FSTL4: variants seen among roughly 807,000 people sequenced by gnomAD.
FSTL4 encodes the protein follistatin-related protein 4.
Under a neutral mutation model 78.2 loss-of-function variants are expected in FSTL4, and 28 were observed. The observed-to-expected ratio is 0.36, with a 90% CI of 0.27 to 0.49. FSTL4 has a LOEUF of 0.49. Among genes scored for constraint, FSTL4 ranks in the 20% least tolerant of loss-of-function variants. The pLI is 0.98. For missense variants in FSTL4, 922 were observed against 1,084.9 expected (o/e 0.85, Z 2.11); for synonymous variants, 422 against 440.5 (o/e 0.96, Z 0.53).
At position 133,272,654 on chromosome 5, in the gene FSTL4, G is replaced by C. The variant is rs148148139; in HGVS notation, c.728-23078C>G. 1.3e-5 allele frequency among the ~76,000 whole-genome samples: 2 copies of C among 152,112 alleles called. 1 individual carries two copies. The highest frequency in any genetic ancestry group is 1.3e-4 in the Admixed American group (2 of 15,286). ...TCCAAAAGTAATTTATTCCATATGC[G>C]TCATTAAGTGGATACCCCAGATATG... On this transcript the variant is annotated intron_variant, in intron 6 of 15. Transcript: ENST00000265342.
chr5:133,792,221 C>A, the FSTL4 span, among the ~76,000 whole-genome samples: 1 of 152,154 alleles, frequency 6.6e-6, no homozygotes, highest in Non-Finnish European at 1.5e-5. Context: ...CACAGCCTGC[C>A]CTCAGGCCCC....
chr5:133,295,556 C>T (rs1753374220), intron 6 of FSTL4, among the ~76,000 whole-genome samples: 1 of 152,150 alleles, frequency 6.6e-6, no homozygotes, highest in Non-Finnish European at 1.5e-5. Flanking sequence ...TTAGTTTCTC[C>T]AGTTCCTTTC....
At chr5:133,664,813 G>A in the FSTL4 span, among the ~76,000 whole-genome samples, 2 of 152,164 alleles carry the variant, frequency 1.3e-5, no homozygotes, top group Non-Finnish European at 2.9e-5. Context: ...TACTAGCTTA[G>A]AGCATCATGA....
intron 4 of FSTL4, among the ~76,000 whole-genome samples, chr5:133,358,495 A>C (rs947423389): frequency 6.6e-6 from 1 of 151,560 alleles, no homozygotes; most frequent in Non-Finnish European, 1.5e-5. Context: ...TGGGCTGGCT[A>C]TGCCAAGTGC....
At chr5:133,564,643 C>T (rs1332207866) in intron 3 of FSTL4, among the ~76,000 whole-genome samples, 1 of 152,082 alleles carries the variant, frequency 6.6e-6, no homozygotes, top group Middle Eastern at 3.2e-3. Context: ...GTAAGCTAAA[C>T]ACTTCAAGAA....
intron 5 of FSTL4, among the ~76,000 whole-genome samples, chr5:133,316,001 G>A (rs905800664): frequency 6.6e-6 from 1 of 152,130 alleles, no homozygotes; most frequent in East Asian, 1.9e-4. Flanking sequence ...GGGCTTGGTG[G>A]GGGTTGACGG....
intron 3 of FSTL4, among the ~76,000 whole-genome samples, chr5:133,494,202 CA>C: frequency 6.6e-6 from 1 of 152,098 alleles, no homozygotes; most frequent in East Asian, 1.9e-4. Flanking sequence ...ATGTAAACCA[CA>C]GCAGAAAGAA....
the FSTL4 span, among the ~76,000 whole-genome samples, chr5:133,681,729 G>A: frequency 1.3e-5 from 2 of 152,180 alleles, no homozygotes; most frequent in African/African-American, 4.8e-5. Flanking sequence ...TCCAGCTGGT[G>A]GAAGCTCTGT....
intron 3 of FSTL4, among the ~76,000 whole-genome samples, chr5:133,512,555 C>T (rs1412914459): frequency 4.6e-5 from 7 of 152,156 alleles, no homozygotes; most frequent in Non-Finnish European, 5.9e-5. Context: ...AGTACATGTC[C>T]TTCAATTATA....
chr5:133,636,392 C>T, the FSTL4 span, among the ~76,000 whole-genome samples: 1 of 151,966 alleles, frequency 6.6e-6, no homozygotes, highest in Non-Finnish European at 1.5e-5. Flanking sequence ...CCTGTGGGCT[C>T]TTTGAGGACA....
chr5:133,351,055 A>G lies in FSTL4; in HGVS notation c.410-34403T>C, dbSNP rs565736670. Among the ~76,000 whole-genome samples, 10 of 152,346 alleles carry G rather than the reference A, an allele frequency of 6.6e-5. No individual in the cohort carries two copies. In the East Asian group the frequency reaches 1.7e-3, roughly 26 times the overall value. On this transcript the variant is annotated intron_variant, in intron 4 of 15. Transcript: ENST00000265342. ...GTGGAAGGCAACTAGTAATATCTGC[A>G]TATGTAAATTTTTTTATTTTGGCCA...
intron 3 of FSTL4, among the ~76,000 whole-genome samples, chr5:133,457,539 T>C (rs989104349): frequency 6.6e-6 from 1 of 152,240 alleles, no homozygotes; most frequent in East Asian, 1.9e-4. Flanking sequence ...GCCTTTCCTT[T>C]GAAATGCTGT....
chr5:133,640,218 T>C, the FSTL4 span, among the ~76,000 whole-genome samples: 1 of 152,198 alleles, frequency 6.6e-6, no homozygotes, highest in Non-Finnish European at 1.5e-5. Flanking sequence ...TGGCATCTCC[T>C]CATTAGCCCC....
rs529507248 is a variant in FSTL4 at position 133,247,328 on chromosome 5, G to A, written c.894+2082C>T. 8 of 152,348 alleles carry A rather than the reference G, an allele frequency of 5.3e-5. No homozygotes were observed. In the East Asian group the frequency reaches 1.5e-3, roughly 29 times the overall value. 9.4% of individuals were successfully genotyped at this position (152,348 alleles called of 1,614,324 possible). A position where few individuals can be genotyped will look rare whatever the true frequency, so the allele number is the denominator to read the frequency against. ...GAAATGCAATTGAGTTGGTGCTGGA[G>A]GCATGTTTGAGGGAGAGGAAGACCA... On this transcript the variant is annotated intron_variant, in intron 7 of 15. Transcript: ENST00000265342.
chr5:133,725,213 T>C, the FSTL4 span, among the ~76,000 whole-genome samples: 2 of 152,218 alleles, frequency 1.3e-5, no homozygotes, highest in East Asian at 1.9e-4. Context: ...GTTCTTCCCA[T>C]TTTCATAAAA....
chr5:133,456,041 G>A (rs1757480650), intron 3 of FSTL4, among the ~76,000 whole-genome samples: 1 of 152,228 alleles, frequency 6.6e-6, no homozygotes, highest in Non-Finnish European at 1.5e-5. Flanking sequence ...GTGTAAGGCA[G>A]GGGAGGGCGT....
the FSTL4 span, among the ~76,000 whole-genome samples, chr5:133,635,029 G>A: frequency 6.6e-6 from 1 of 151,868 alleles, no homozygotes; most frequent in Admixed American, 6.6e-5. Context: ...GGAATAAATA[G>A]TTCCTCTACT....
chr5:133,335,684 G>T (rs1039804227), intron 4 of FSTL4, among the ~76,000 whole-genome samples: 1 of 151,148 alleles, frequency 6.6e-6, no homozygotes, highest in Non-Finnish European at 1.5e-5. Context: ...CCTTTCTTGG[G>T]GGGGGTGGCA....
At chr5:133,427,236 C>T (rs144914381) in intron 3 of FSTL4, among the ~76,000 whole-genome samples, 461 of 152,322 alleles carry the variant, frequency 3.0e-3, no homozygotes, top group African/African-American at 0.01. Flanking sequence ...GGACGAGAGA[C>T]GGCTCATGTG....
Sources: allele counts gnomAD v4.1 joint callset (sites outside exome capture counted in the v4.1 genomes callset), GRCh38; gene constraint gnomAD v4.1.1; transcripts MANE v1.5; gene names NCBI Gene and HGNC (gene_info 2026-07-23, HGNC 2026-07-21).